Variants in SEM1 observed in about 807,000 individuals in gnomAD.
SEM1 encodes the protein SEM1 26S proteasome subunit, also known as 26S proteasome complex subunit SEM1.
In SEM1, 3 loss-of-function variants were observed where a neutral mutation model predicts 12.7. The ratio of observed to expected loss-of-function variants is 0.24; its 90% CI spans 0.11 to 0.61. SEM1 has a LOEUF of 0.61. SEM1 is among the 20% of genes least tolerant of loss of function. The pLI, the probability that SEM1 is intolerant of heterozygous loss-of-function variation, is 0.88. For synonymous variants in SEM1, 30 were observed against 27.8 expected (o/e 1.08, Z -0.25); for missense variants, 59 against 81.3 (o/e 0.73, Z 1.06).
chr7:96,586,095 T>A (rs1453465753), intron 2 of SEM1, among the ~76,000 whole-genome samples: 1 of 152,186 alleles, frequency 6.6e-6, no homozygotes, highest in African/African-American at 2.4e-5. Context: ...CGCCTTGGCC[T>A]CCCAAAGTGC....
chr7:96,528,422 A>G (rs1804538809), intron 2 of SEM1, among the ~76,000 whole-genome samples: 1 of 151,956 alleles, frequency 6.6e-6, no homozygotes, highest in Non-Finnish European at 1.5e-5. Context: ...GAATTCCTGG[A>G]CTCAAGCAAT....
chr7:96,580,225 T>C (rs1319962123), intron 2 of SEM1, among the ~76,000 whole-genome samples: 2 of 132,810 alleles, frequency 1.5e-5, no homozygotes, highest in East Asian at 5.1e-4. Context: ...CGGTGTTTGG[T>C]TTTTTGTTCT....
rs115071715 is a variant in SEM1, at chr7:96,623,064, C to T, written c.171-421G>A. The stretch of plus-strand genomic sequence containing the variant: ...TTGCTGGATTCAGTAAAGAAGACTG[C>T]CCTCCCCAATATGAGTAGGCATCAT... On this transcript the variant is annotated intron_variant, in intron 2 of 2. Coordinates refer to the SEM1 transcript ENST00000417009. 952 of 158,752 alleles carry T rather than the reference C, an allele frequency of 6.0e-3. 11 individuals are homozygous for T. The highest frequency in any genetic ancestry group is 0.022 in the African/African-American group (909 of 41,770). 9.8% of individuals were successfully genotyped at this position (158,752 alleles called of 1,614,324 possible). A position where few individuals can be genotyped will look rare whatever the true frequency, so the allele number is the denominator to read the frequency against.
chr7:96,506,966 C>A (rs1050814625), intron 2 of SEM1, among the ~76,000 whole-genome samples: 1 of 151,866 alleles, frequency 6.6e-6, no homozygotes, highest in African/African-American at 2.4e-5. Flanking sequence ...TGCTGGTTAC[C>A]TCTTAGGAAA....
intron 2 of SEM1, among the ~76,000 whole-genome samples, chr7:96,662,112 G>A (rs988528470): frequency 6.6e-6 from 1 of 152,024 alleles, no homozygotes; most frequent in African/African-American, 2.4e-5. Context: ...CAGACACTAT[G>A]GCGATTCCTC....
intron 2 of SEM1, among the ~76,000 whole-genome samples, chr7:96,561,072 G>A (rs1704693302): frequency 6.6e-6 from 1 of 152,086 alleles, no homozygotes; most frequent in Non-Finnish European, 1.5e-5. Context: ...GTGTGCCACT[G>A]TGCCTGGCTC....
At chr7:96,523,967 CT>C (rs1804365643) in intron 2 of SEM1, among the ~76,000 whole-genome samples, 1 of 151,984 alleles carries the variant, frequency 6.6e-6, no homozygotes, top group Non-Finnish European at 1.5e-5. Flanking sequence ...CATTTTTTCC[CT>C]TGGACGTTCA....
At chr7:96,572,366 G>A (rs989221391) in intron 2 of SEM1, among the ~76,000 whole-genome samples, 54 of 152,028 alleles carry the variant, frequency 3.6e-4, no homozygotes, top group African/African-American at 1.2e-3. Context: ...TCCTTTAATC[G>A]TGATGTTAGG....
chr7:96,562,390 T>C lies in SEM1; in HGVS notation c.171-55692A>G, dbSNP rs1403209621. 3.3e-5 allele frequency among the ~76,000 whole-genome samples: 5 copies of C among 152,196 alleles called. 1 individual carries two copies. In the South Asian group the frequency reaches 6.2e-4, roughly 19 times the overall value. On this transcript the variant is annotated intron_variant and NMD_transcript_variant, in intron 2 of 3. Transcript: ENST00000466986. ...ACTATTCTATGTATGAAGGATACAG[T>C]GCTATGGATATATAGCAGGGGAAAA...
chr7:96,540,589 A>G (rs1804914534), intron 2 of SEM1, among the ~76,000 whole-genome samples: 1 of 151,852 alleles, frequency 6.6e-6, no homozygotes, highest in Admixed American at 6.6e-5. Context: ...TTGTAAATCA[A>G]TAAGAAAACA....
At chr7:96,500,273 T>C (rs886912939), upstream of SEM1, among the ~76,000 whole-genome samples, 2 of 151,928 alleles carry the variant, frequency 1.3e-5, no homozygotes, top group African/African-American at 4.8e-5. Context: ...CCTTAGTCTT[T>C]CTTGGTGGCC....
chr7:96,690,809 TGCCCAGGCTG>T (rs1244738259), intron 2 of SEM1, among the ~76,000 whole-genome samples: 1 of 152,106 alleles, frequency 6.6e-6, no homozygotes, highest in Non-Finnish European at 1.5e-5. Context: ...CTCGCTCTGT[TGCCCAGGCTG>T]GAGTGCAGTG....
chr7:96,582,192 A>G (rs1806433914), intron 2 of SEM1, among the ~76,000 whole-genome samples: 2 of 151,214 alleles, frequency 1.3e-5, no homozygotes, highest in South Asian at 4.2e-4. Flanking sequence ...GGGTTGTTGA[A>G]TTTTGTCAAA....
intron 2 of SEM1, among the ~76,000 whole-genome samples, chr7:96,609,602 A>C (rs1284324021): frequency 7.2e-5 from 11 of 152,180 alleles, no homozygotes; most frequent in Admixed American, 6.5e-4. Context: ...ATTTAACTAC[A>C]ATACCATGCA....
intron 2 of SEM1, among the ~76,000 whole-genome samples, chr7:96,571,869 G>A (rs1047818195): frequency 5.9e-5 from 9 of 151,940 alleles, no homozygotes; most frequent in Non-Finnish European, 8.8e-5. Context: ...AGAAGGAATG[G>A]TACCAGCTTC....
At chr7:96,604,333 G>T (rs1807280483) in intron 2 of SEM1, among the ~76,000 whole-genome samples, 3 of 152,304 alleles carry the variant, frequency 2.0e-5, no homozygotes, top group Non-Finnish European at 1.5e-5. Flanking sequence ...CTGGAACAGG[G>T]TCTCTAAAGC....
intron 2 of SEM1, among the ~76,000 whole-genome samples, chr7:96,612,816 T>C (rs1047207634): frequency 6.6e-6 from 1 of 152,120 alleles, no homozygotes; most frequent in African/African-American, 2.4e-5. Flanking sequence ...TTTGTATTTT[T>C]AGTAGAGACA....
chr7:96,596,000 G>A (rs1191308979), intron 2 of SEM1, among the ~76,000 whole-genome samples: 1 of 152,206 alleles, frequency 6.6e-6, no homozygotes, highest in Non-Finnish European at 1.5e-5. Context: ...GGAGGGGAGG[G>A]AGTTGGGAAG....
intron 2 of SEM1, among the ~76,000 whole-genome samples, chr7:96,624,319 A>C (rs1807991258): frequency 6.6e-6 from 1 of 152,170 alleles, no homozygotes; most frequent in African/African-American, 2.4e-5. Flanking sequence ...ATTAGTCTAA[A>C]ATTTTGTGCT....
Sources: allele counts gnomAD v4.1 joint callset (sites outside exome capture counted in the v4.1 genomes callset), GRCh38; gene constraint gnomAD v4.1.1; transcripts MANE v1.5; gene names NCBI Gene and HGNC (gene_info 2026-07-23, HGNC 2026-07-21).